Variants in CACNA1G observed in about 807,000 individuals in gnomAD.
The protein encoded by CACNA1G is calcium voltage-gated channel subunit alpha1 G.
A neutral mutation model predicts 219.4 loss-of-function variants in CACNA1G; 67 were observed. The ratio of observed to expected loss-of-function variants is 0.31; its 90% CI spans 0.25 to 0.37. The LOEUF (loss-of-function observed/expected upper bound fraction) is 0.37. Ranked by LOEUF, CACNA1G falls within the 10% of genes least tolerant of loss-of-function variation. The pLI, the probability that CACNA1G is intolerant of heterozygous loss-of-function variation, is 1.00. For missense variants in CACNA1G, 2,380 were observed against 3,231.4 expected, an observed-to-expected ratio of 0.74 and a Z score of 6.39; for synonymous variants, 1,296 against 1,345.3, an observed-to-expected ratio of 0.96 and a Z score of 0.80.
intron 25 of CACNA1G, 59 bp from the exon 26 acceptor site, chr17:50,609,823 G>T: frequency 6.5e-7 from 1 of 1,530,532 alleles, no homozygotes; most frequent in South Asian, 1.1e-5. Flanking sequence ...CGCCCCTGAG[G>T]GGCCCTGCCC....
Position 50,604,149 on chromosome 17 carries a change from C to T in CACNA1G, c.4170-6C>T, listed in dbSNP as rs1052076716. ...GCCTTATCACCTCCCTCCCTCCCCT[C>T]CCCAGGGTGATCAGCCGGGCGCAGG... is the stretch of plus-strand genomic sequence containing the variant. On this transcript the variant is annotated splice_polypyrimidine_tract_variant and splice_region_variant and intron_variant, in intron 21 of 37. Coordinates refer to ENST00000359106, the MANE Select transcript of CACNA1G (RefSeq NM_018896.5). 4 of 1,612,702 alleles carry T rather than the reference C, an allele frequency of 2.5e-6. No homozygotes were observed. Among genetic ancestry groups the T allele is most frequent in the Non-Finnish European group, 3.4e-6 (4 of 1,179,152 alleles).
chr17:50,618,141 G>A lies in CACNA1G; in HGVS notation c.5305+15G>A, dbSNP rs764251830. The A allele has an allele frequency of 1.9e-6, 3 of 1,613,556 alleles. No individual in the cohort carries two copies. The highest frequency in any genetic ancestry group is 2.5e-6 in the Non-Finnish European group (3 of 1,179,740). On this transcript the variant is annotated intron_variant, in intron 31 of 37. Transcript: ENST00000359106. The surrounding 1 kb of genome is among the most constrained non-coding windows in gnomAD (Gnocchi z 5.3). ...TGGAGACCTGGGTGAGTTGGGGTAG[G>A]GGAGGGTGGAGGAGCCAGGGCTGGA...
At chr17:50,606,439 G>A in intron 23 of CACNA1G, 1 of 593,682 alleles carries the variant, frequency 1.7e-6, no homozygotes, top group Non-Finnish European at 3.0e-6. Flanking sequence ...ACTGGTGAAT[G>A]GAGTCATAAT....
At chr17:50,580,436 G>C (rs1255838234) in intron 9 of CACNA1G, among the ~76,000 whole-genome samples, 2 of 152,148 alleles carry the variant, frequency 1.3e-5, no homozygotes, top group Non-Finnish European at 2.9e-5. Context: ...CCTACCCCGG[G>C]GGGAGCACCC....
rs751929677 is a variant in CACNA1G at position 50,600,676 on chromosome 17, G to A, written c.3691-50G>A. ...TGACTCTGCTGAGGAGCCAGGAGCC[G>A]GGGAACCTGGAGGCCTGGTCCTGCT... is the stretch of plus-strand genomic sequence containing the variant. On this transcript the variant is annotated intron_variant, in intron 17 of 37. Coordinates refer to ENST00000359106, the MANE Select transcript of CACNA1G (RefSeq NM_018896.5). This position sits in a 1 kb window ranked among gnomAD's most constrained non-coding sequence, Gnocchi z 4.1. 9.9e-6 allele frequency: 15 copies of A among 1,514,818 alleles called. No homozygotes were observed. In the East Asian group the frequency reaches 1.4e-4, roughly 14 times the overall value. 93.8% of individuals were successfully genotyped at this position (1,514,818 alleles called of 1,614,324 possible).
intron 1 of CACNA1G, among the ~76,000 whole-genome samples, chr17:50,567,064 T>G (rs1210724149): frequency 3.3e-5 from 5 of 152,250 alleles, no homozygotes; most frequent in Non-Finnish European, 7.3e-5. Flanking sequence ...TGTCTTTCCC[T>G]TTCCAAATGA....
Position 50,576,718 on chromosome 17 carries a change from G to A in CACNA1G, c.1924+392G>A, listed in dbSNP as rs1489255856. 2.0e-5 allele frequency among the ~76,000 whole-genome samples: 3 copies of A among 152,218 alleles called. No homozygotes were observed. The South Asian group carries it at 6.2e-4, about 32-fold the overall frequency. The stretch of plus-strand genomic sequence containing the variant: ...ATCCCCATTGTGTGGATGAGAACCA[G>A]GAGGCTTGAGGGGATTGCATGACTT... On this transcript the variant is annotated intron_variant, in intron 8 of 37. Coordinates refer to ENST00000359106, the MANE Select transcript of CACNA1G (RefSeq NM_018896.5).
chr17:50,624,324 T>TCCCCCCCCCCCCCCCCCCCCAG, intron 36 of CACNA1G, 36 bp from the exon 37 acceptor site: 1 of 1,177,658 alleles, frequency 8.5e-7, no homozygotes, highest in Non-Finnish European at 1.2e-6. Context: ...CTCCATTCTC[T>TCCCCCCCCCCCCCCCCCCCCAG]CCCCCCACCC....
rs899852123 is a variant in CACNA1G at position 50,603,913 on chromosome 17, C to T, written c.4170-242C>T. Among the ~76,000 whole-genome samples, 1 of 152,140 alleles carries T rather than the reference C, an allele frequency of 6.6e-6. No individual in the cohort carries two copies. Among genetic ancestry groups the T allele is most frequent in the Non-Finnish European group, 1.5e-5 (1 of 68,036 alleles). ...CTCCCCACTCCCAACCCAAACAGGT[C>T]GTACATTTGACATCCTGGGATGGAG... On this transcript the variant is annotated intron_variant, in intron 21 of 37. Coordinates refer to ENST00000359106, the MANE Select transcript of CACNA1G (RefSeq NM_018896.5). The surrounding 1 kb of genome is among the most constrained non-coding windows in gnomAD (Gnocchi z 6.4).
intron 16 of CACNA1G, among the ~76,000 whole-genome samples, chr17:50,598,130 T>A (rs1283329456): frequency 6.6e-6 from 1 of 152,102 alleles, no homozygotes; most frequent in Non-Finnish European, 1.5e-5. Flanking sequence ...CAGGTTCGAG[T>A]GATTCTCCTG....
intron 25 of CACNA1G, among the ~76,000 whole-genome samples, chr17:50,609,379 C>T (rs893534937): frequency 2.6e-5 from 4 of 152,324 alleles, no homozygotes; most frequent in Middle Eastern, 3.4e-3. Flanking sequence ...GCCTTCTGCT[C>T]GGCTCAGGGT....
rs1325741159 is a variant in CACNA1G at position 50,621,809 on chromosome 17, C to T, written c.6060+15C>T. On this transcript the variant is annotated intron_variant, in intron 35 of 37. Coordinates refer to ENST00000359106, the MANE Select transcript of CACNA1G (RefSeq NM_018896.5). The surrounding 1 kb of genome is among the most constrained non-coding windows in gnomAD (Gnocchi z 4.6). ...TGGAGAGCAATGTACATACACACTG[C>T]CCTCACTGCTCCCGGCCACCCCCGG... is the stretch of plus-strand genomic sequence containing the variant. 2.5e-6 allele frequency: 4 copies of T among 1,612,766 alleles called. No individual in the cohort carries two copies. The highest frequency in any genetic ancestry group is 3.4e-6 in the Non-Finnish European group (4 of 1,179,732).
rs1457559953 is a variant in CACNA1G, at chr17:50,596,612, G to C, written c.3030G>C (p.Leu1010=). The C allele has an allele frequency of 6.2e-7, 1 of 1,613,980 alleles. No homozygotes were observed. The highest frequency in any genetic ancestry group is 1.1e-5 in the South Asian group (1 of 91,080). Residue 1010 remains leucine, a synonymous_variant, in exon 15 of 38, where the codon CTG becomes CTC. Transcript: ENST00000359106. The surrounding 1 kb of genome is among the most constrained non-coding windows in gnomAD (Gnocchi z 4.8). The part of the protein sequence containing the change: ...ESEPDFFSPS[L]DGDGDRKKCL... ...AGCCCGATTTCTTCTCACCCAGCCTGGATGGTGATGGGGACAGGAAGAAGT... is the reference window on the plus strand; with the variant it reads ...AGCCCGATTTCTTCTCACCCAGCCTCGATGGTGATGGGGACAGGAAGAAGT...
rs1175528270 is a variant in CACNA1G at position 50,569,760 on chromosome 17, A to C, written c.543A>C (p.Thr181=). The change falls in exon 4 of 38, where the codon ACA becomes ACC. Residue 181 remains threonine, a synonymous_variant. Transcript: ENST00000359106. The part of the protein sequence containing the change: ...LQNVSFSAVR[T]VRVLRPLRAI... ...ACGTCAGCTTCTCAGCTGTCAGGAC[A>C]GTCCGTGTGCTGCGACCGCTCAGGG... is the stretch of plus-strand genomic sequence containing the variant. The C allele has an allele frequency of 6.4e-7, 1 of 1,550,888 alleles. No homozygotes were observed. The highest frequency in any genetic ancestry group is 8.7e-7 in the Non-Finnish European group (1 of 1,146,912).
At chr17:50,576,644 A>C (rs1276017084) in intron 8 of CACNA1G, among the ~76,000 whole-genome samples, 1 of 152,228 alleles carries the variant, frequency 6.6e-6, no homozygotes, top group African/African-American at 2.4e-5. Context: ...CTTTGCGGGC[A>C]AAATTCCATT....
At chr17:50,601,533 G>A (rs988105703) in intron 19 of CACNA1G, among the ~76,000 whole-genome samples, 2 of 152,186 alleles carry the variant, frequency 1.3e-5, no homozygotes, top group Non-Finnish European at 2.9e-5. Flanking sequence ...TCAGGGCCTC[G>A]GGGGCATGCA....
intron 35 of CACNA1G, among the ~76,000 whole-genome samples, chr17:50,622,936 A>C (rs1317091912): frequency 6.6e-6 from 1 of 151,960 alleles, no homozygotes; most frequent in Non-Finnish European, 1.5e-5. Flanking sequence ...AACCCAACCC[A>C]GGCCCTGTGC....
chr17:50,575,511 G>A (rs1326914086), intron 7 of CACNA1G, 32 bp from the exon 8 acceptor site: 1 of 1,572,316 alleles, frequency 6.4e-7, no homozygotes, highest in East Asian at 2.3e-5. Flanking sequence ...TTTTCTTCAG[G>A]ACATTTCCTC....
intron 33 of CACNA1G, 92 bp downstream of exon 33, chr17:50,619,100 A>C: frequency 1.0e-6 from 1 of 983,552 alleles, no homozygotes; most frequent in South Asian, 1.9e-5. Context: ...CAGCACACAA[A>C]CCCTAGGCTC....
Sources: gnomAD v4.1 joint callset for allele counts (sites outside exome capture counted in the v4.1 genomes callset) on GRCh38, gnomAD v4.1.1 for gene constraint, Gnocchi (gnomAD v3.1) non-coding constraint, MANE v1.5 for transcripts, NCBI Gene and HGNC (gene_info 2026-07-23, HGNC 2026-07-21) for gene names.